The following DMRTA2 variants were observed in gnomAD, a reference collection of about 807,000 sequenced individuals.
DMRTA2 encodes doublesex- and mab-3-related transcription factor A2.
DMRTA2 carries 10 observed loss-of-function variants against 29.7 expected under a neutral mutation model. The ratio of observed to expected loss-of-function variants is 0.34; its 90% CI spans 0.21 to 0.57. DMRTA2 has a LOEUF of 0.57. DMRTA2 is among the 20% of genes least tolerant of loss of function. The pLI is 0.87. For synonymous variants in DMRTA2, 469 were observed against 402.6 expected, an observed-to-expected ratio of 1.16 and a Z score of -1.97; for missense variants, 783 against 812.1, an observed-to-expected ratio of 0.96 and a Z score of 0.44.
rs1646023013 is a variant in DMRTA2, at chr1:50,419,768, T to C, written c.560-34A>G. ...GGAGAAAACGTGTCGTGAGGAGCGGTTAGCTAGAAGACAGCAGTCACAGCA... is the reference window on the plus strand; with the variant it reads ...GGAGAAAACGTGTCGTGAGGAGCGGCTAGCTAGAAGACAGCAGTCACAGCA... On this transcript the variant is annotated intron_variant, in intron 2 of 2. Transcript: ENST00000404795. This position sits in a 1 kb window ranked among gnomAD's most constrained non-coding sequence, Gnocchi z 6.1. The C allele has an allele frequency of 6.9e-7, 1 of 1,442,848 alleles. No homozygotes were observed. Among genetic ancestry groups the C allele is most frequent in the African/African-American group, 1.5e-5 (1 of 67,098 alleles). The allele number at this position is 1,442,848 out of a possible 1,614,324, so 89.4% of individuals were successfully genotyped here. A position where few individuals can be genotyped will look rare whatever the true frequency, so the allele number is the denominator to read the frequency against.
chr1:50,421,401 C>T lies in DMRTA2; in HGVS notation c.136G>A (p.Val46Met). The T allele has an allele frequency of 2.0e-6, 3 of 1,483,114 alleles. No individual in the cohort carries two copies. The highest frequency in any genetic ancestry group is 1.8e-6 in the Non-Finnish European group (2 of 1,118,992). The allele number at this position is 1,483,114 out of a possible 1,614,324, so 91.9% of individuals were successfully genotyped here. A position where few individuals can be genotyped will look rare whatever the true frequency, so the allele number is the denominator to read the frequency against. ...GGCCCCCGCAGCAAGCCGCCTGCCA[C>T]GCTCACCGGTAGCGATGCAGCGGCC... The part of the protein sequence containing the change: ...AAAAASLPVS[V>M]AGGLLRGPPL... The change falls in exon 2 of 3, where the codon GTG (valine) becomes ATG (methionine). Residue 46 changes from valine to methionine, a missense_variant. Around this residue, in one of 3 missense-constraint regions of DMRTA2, gnomAD observed 76 missense variants for 152.6 expected, o/e 0.50. Coordinates refer to ENST00000404795, the MANE Select transcript of DMRTA2 (RefSeq NM_032110.3). This position sits in a 1 kb window ranked among gnomAD's most constrained non-coding sequence, Gnocchi z 8.7.
rs1646031711 is a variant in DMRTA2 at position 50,420,841 on chromosome 1, G to A, written c.559+137C>T. 1.5e-6 allele frequency: 2 copies of A among 1,303,024 alleles called. No individual in the cohort carries two copies. The highest frequency in any genetic ancestry group is 2.0e-6 in the Non-Finnish European group (2 of 1,010,058). 80.7% of individuals were successfully genotyped at this position (1,303,024 alleles called of 1,614,324 possible). A position where few individuals can be genotyped will look rare whatever the true frequency, so the allele number is the denominator to read the frequency against. On this transcript the variant is annotated intron_variant, in intron 2 of 2. Coordinates refer to ENST00000404795, the MANE Select transcript of DMRTA2 (RefSeq NM_032110.3). This position sits in a 1 kb window ranked among gnomAD's most constrained non-coding sequence, Gnocchi z 4.1. ...TACCCACGCTCCATACCCGAGGCTG[G>A]GCGAGCGGTGAACCCTAGCAGTCGC... is the stretch of plus-strand genomic sequence containing the variant.
At position 50,419,632 on chromosome 1, in the gene DMRTA2, C is replaced by T. The variant is rs1473320982; in HGVS notation, c.662G>A (p.Gly221Asp). 6 of 1,524,294 alleles carry T rather than the reference C, an allele frequency of 3.9e-6. No individual in the cohort carries two copies. Among genetic ancestry groups the T allele is most frequent in the South Asian group, 2.6e-5 (2 of 78,362 alleles). 94.4% of individuals were successfully genotyped at this position (1,524,294 alleles called of 1,614,324 possible). The change falls in exon 3 of 3, where the codon GGC (glycine) becomes GAC (aspartate). Residue 221 changes from glycine (G) to aspartate (D), a missense_variant. By Grantham distance (94) the Gly-to-Asp change is moderately conservative. This residue lies in a region of DMRTA2 where 667 missense variants were observed against 624.8 expected (regional missense o/e 1.07). Coordinates refer to ENST00000404795, the MANE Select transcript of DMRTA2 (RefSeq NM_032110.3). This position sits in a 1 kb window ranked among gnomAD's most constrained non-coding sequence, Gnocchi z 6.1. Reference sequence around the variant, plus strand: ...CGACGTCCCGGGCCCCGAGTCTGCGCCGTCGGGTGATAAGGGCTTCACCGG... The same window carrying T: ...CGACGTCCCGGGCCCCGAGTCTGCGTCGTCGGGTGATAAGGGCTTCACCGG... ...PPPVKPLSPDGADSGPGTSSP... is the reference protein window; with the variant it reads ...PPPVKPLSPDDADSGPGTSSP...
At position 50,422,081 on chromosome 1, in the gene DMRTA2, C is replaced by A. The variant is rs1476304423; in HGVS notation, c.-8-537G>T. ...AGATGTGAAGGCGCAGATGTGAAGG[C>A]CGGTTGGGCCGGAGTTTTGTTTCTT... On this transcript the variant is annotated intron_variant, in intron 1 of 2. Transcript: ENST00000404795. This position sits in a 1 kb window ranked among gnomAD's most constrained non-coding sequence, Gnocchi z 5.7. Among the ~76,000 whole-genome samples the A allele has an allele frequency of 6.6e-6, 1 of 152,172 alleles. No individual in the cohort carries two copies. The highest frequency in any genetic ancestry group is 1.5e-5 in the Non-Finnish European group (1 of 68,036).
At position 50,420,516 on chromosome 1, in the gene DMRTA2, G is replaced by C. The variant is rs879684596; in HGVS notation, c.559+462C>G. Among the ~76,000 whole-genome samples the C allele has an allele frequency of 1.3e-5, 2 of 152,120 alleles. No individual in the cohort carries two copies. Among genetic ancestry groups the C allele is most frequent in the Non-Finnish European group, 2.9e-5 (2 of 68,032 alleles). ...AGAGGGCGTTAGGAACGCGAGAAGG[G>C]GAAAAGAAACTAGGGCGTCTCAGAA... On this transcript the variant is annotated intron_variant, in intron 2 of 2. Coordinates refer to ENST00000404795, the MANE Select transcript of DMRTA2 (RefSeq NM_032110.3). This position sits in a 1 kb window ranked among gnomAD's most constrained non-coding sequence, Gnocchi z 4.1.
Position 50,420,217 on chromosome 1 carries a change from C to T in DMRTA2, c.560-483G>A, listed in dbSNP as rs1262769936. ...AGGAGGTCCCAAGCTTCTCTACAGG[C>T]AGAAGTACAGCCCCTGTTTCTAATC... On this transcript the variant is annotated intron_variant, in intron 2 of 2. Transcript: ENST00000404795. This position sits in a 1 kb window ranked among gnomAD's most constrained non-coding sequence, Gnocchi z 4.1. 6.6e-6 allele frequency among the ~76,000 whole-genome samples: 1 copy of T among 152,206 alleles called. No individual in the cohort carries two copies. The highest frequency in any genetic ancestry group is 1.5e-5 in the Non-Finnish European group (1 of 68,030).
rs1646031572 is a variant in DMRTA2 at position 50,420,824 on chromosome 1, C to T, written c.559+154G>A. Among the ~76,000 whole-genome samples the T allele has an allele frequency of 6.6e-6, 1 of 152,260 alleles. No individual in the cohort carries two copies. The highest frequency in any genetic ancestry group is 6.5e-5 in the Admixed American group (1 of 15,288). The stretch of plus-strand genomic sequence containing the variant: ...AGAAAGGAGAGTTTCTGTACCCACG[C>T]TCCATACCCGAGGCTGGGCGAGCGG... On this transcript the variant is annotated intron_variant, in intron 2 of 2. Transcript: ENST00000404795. This position sits in a 1 kb window ranked among gnomAD's most constrained non-coding sequence, Gnocchi z 4.1.
rs1557939134 is a variant in DMRTA2, at chr1:50,418,491, C to T, written c.*174G>A. ...CCTGCACCTGTCTGTAGCTGCTCCC[C>T]CTTTGCTCAGCCTTCCCCACCCACC... is the stretch of plus-strand genomic sequence containing the variant. On this transcript the variant is annotated 3_prime_UTR_variant, in exon 3 of 3. Coordinates refer to ENST00000404795, the MANE Select transcript of DMRTA2 (RefSeq NM_032110.3). 2 of 462,292 alleles carry T rather than the reference C, an allele frequency of 4.3e-6. No individual in the cohort carries two copies. The highest frequency in any genetic ancestry group is 2.0e-5 in the African/African-American group (1 of 49,666). The allele number at this position is 462,292 out of a possible 1,614,324, so 28.6% of individuals were successfully genotyped here.
Position 50,419,570 on chromosome 1 carries a change from C to G in DMRTA2, c.724G>C (p.Gly242Arg), listed in dbSNP as rs756679408. Reference protein sequence around the residue: ...EVRPGSGSENGDGESFSGSPL... With the variant: ...EVRPGSGSENRDGESFSGSPL... ...GAACCAGAAAAGGACTCGCCATCGC[C>G]GTTCTCCGAGCCTGAGCCGGGCCGC... The change falls in exon 3 of 3, where the codon GGC (glycine) becomes CGC (arginine). Residue 242 changes from glycine to arginine, a missense_variant. By Grantham distance (125) the Gly-to-Arg change is moderately radical. Coordinates refer to ENST00000404795, the MANE Select transcript of DMRTA2 (RefSeq NM_032110.3). This position sits in a 1 kb window ranked among gnomAD's most constrained non-coding sequence, Gnocchi z 6.1. The G allele has an allele frequency of 3.9e-6, 6 of 1,557,980 alleles. No individual in the cohort carries two copies. The highest frequency in any genetic ancestry group is 4.3e-6 in the Non-Finnish European group (5 of 1,154,282).
In DMRTA2 at chr1:50,418,396, C is replaced by T. The variant is rs1246377396; in HGVS notation, c.*269G>A. ...ATTCCCAGCCTTTTGGAAAGGGGGC[C>T]GGGTGAGGCTGGAAGAGGGATCCGG... On this transcript the variant is annotated 3_prime_UTR_variant, in exon 3 of 3. Coordinates refer to ENST00000404795, the MANE Select transcript of DMRTA2 (RefSeq NM_032110.3). 5.9e-6 allele frequency: 2 copies of T among 339,846 alleles called. No individual in the cohort carries two copies. Among genetic ancestry groups the T allele is most frequent in the Admixed American group, 4.8e-5 (1 of 20,866 alleles). 21.1% of individuals were successfully genotyped at this position (339,846 alleles called of 1,614,324 possible).
rs1410637326 is a variant in DMRTA2 at position 50,420,756 on chromosome 1, G to A, written c.559+222C>T. On this transcript the variant is annotated intron_variant, in intron 2 of 2. Coordinates refer to ENST00000404795, the MANE Select transcript of DMRTA2 (RefSeq NM_032110.3). This position sits in a 1 kb window ranked among gnomAD's most constrained non-coding sequence, Gnocchi z 4.1. ...AATTAAAGCGTGTACATTTCGGCCC[G>A]ATGCAGGAGAAAGGGGTAAAGTGCA... Among the ~76,000 whole-genome samples, 1 of 152,192 alleles carries A rather than the reference G, an allele frequency of 6.6e-6. No homozygotes were observed. The highest frequency in any genetic ancestry group is 1.5e-5 in the Non-Finnish European group (1 of 68,026).
At position 50,419,727 on chromosome 1, in the gene DMRTA2, C is replaced by T. The variant is rs1572734431; in HGVS notation, c.567G>A (p.Lys189=). Reference sequence around the variant, plus strand: ...TAGGAAACAGGTCAAACTTCTGCAACTTGGCCTCTGGGAGGGGAGAAAACG... The same window carrying T: ...TAGGAAACAGGTCAAACTTCTGCAATTTGGCCTCTGGGAGGGGAGAAAACG... The part of the protein sequence containing the change: ...GAAGAGGSEA[K]LQKFDLFPKT... The change falls in exon 3 of 3, where the codon AAG becomes AAA. Residue 189 remains lysine, a synonymous_variant. Coordinates refer to ENST00000404795, the MANE Select transcript of DMRTA2 (RefSeq NM_032110.3). The surrounding 1 kb of genome is among the most constrained non-coding windows in gnomAD (Gnocchi z 6.1). 2.0e-6 allele frequency: 3 copies of T among 1,472,218 alleles called. No homozygotes were observed. The highest frequency in any genetic ancestry group is 2.7e-6 in the Non-Finnish European group (3 of 1,114,894). 91.2% of individuals were successfully genotyped at this position (1,472,218 alleles called of 1,614,324 possible).
In DMRTA2 at chr1:50,420,835, A is replaced by G. The variant is rs1304295337; in HGVS notation, c.559+143T>C. Reference sequence around the variant, plus strand: ...TTTCTGTACCCACGCTCCATACCCGAGGCTGGGCGAGCGGTGAACCCTAGC... The same window carrying G: ...TTTCTGTACCCACGCTCCATACCCGGGGCTGGGCGAGCGGTGAACCCTAGC... On this transcript the variant is annotated intron_variant, in intron 2 of 2. Coordinates refer to ENST00000404795, the MANE Select transcript of DMRTA2 (RefSeq NM_032110.3). This position sits in a 1 kb window ranked among gnomAD's most constrained non-coding sequence, Gnocchi z 4.1. 3 of 1,279,480 alleles carry G rather than the reference A, an allele frequency of 2.3e-6. No individual in the cohort carries two copies. The highest frequency in any genetic ancestry group is 3.0e-6 in the Non-Finnish European group (3 of 988,874). 79.3% of individuals were successfully genotyped at this position (1,279,480 alleles called of 1,614,324 possible). A position where few individuals can be genotyped will look rare whatever the true frequency, so the allele number is the denominator to read the frequency against.
chr1:50,417,807 A>C lies in DMRTA2; in HGVS notation c.*858T>G, dbSNP rs918480506. 2 of 152,252 alleles carry C rather than the reference A, an allele frequency of 1.3e-5. No individual in the cohort carries two copies. The highest frequency in any genetic ancestry group is 2.4e-5 in the African/African-American group (1 of 41,466). The allele number at this position is 152,252 out of a possible 1,614,324, so 9.4% of individuals were successfully genotyped here. A position where few individuals can be genotyped will look rare whatever the true frequency, so the allele number is the denominator to read the frequency against. The stretch of plus-strand genomic sequence containing the variant: ...CAAGAGGGGCAGGTGGGCAGGATTC[A>C]TCCCGAGTTTCCAATATATTTAATC... On this transcript the variant is annotated 3_prime_UTR_variant, in exon 3 of 3. Transcript: ENST00000404795.
In DMRTA2 at chr1:50,418,459, G is replaced by A. The variant is rs1646004504; in HGVS notation, c.*206C>T. On this transcript the variant is annotated 3_prime_UTR_variant, in exon 3 of 3. Coordinates refer to ENST00000404795, the MANE Select transcript of DMRTA2 (RefSeq NM_032110.3). Reference sequence around the variant, plus strand: ...AGGACCCAGGCCGCGCACCCCCTCCGAGAACACCTGCACCTGTCTGTAGCT... The same window carrying A: ...AGGACCCAGGCCGCGCACCCCCTCCAAGAACACCTGCACCTGTCTGTAGCT... 9.8e-6 allele frequency: 4 copies of A among 406,144 alleles called. No homozygotes were observed. Among genetic ancestry groups the A allele is most frequent in the Non-Finnish European group, 1.7e-5 (4 of 235,210 alleles). The allele number at this position is 406,144 out of a possible 1,614,324, so 25.2% of individuals were successfully genotyped here.
At position 50,421,695 on chromosome 1, in the gene DMRTA2, G is replaced by A. The variant is rs1472162536; in HGVS notation, c.-8-151C>T. The A allele has an allele frequency of 2.1e-6, 2 of 936,002 alleles. No homozygotes were observed. The highest frequency in any genetic ancestry group is 2.7e-6 in the Non-Finnish European group (2 of 728,110). 58.0% of individuals were successfully genotyped at this position (936,002 alleles called of 1,614,324 possible). A position where few individuals can be genotyped will look rare whatever the true frequency, so the allele number is the denominator to read the frequency against. On this transcript the variant is annotated intron_variant, in intron 1 of 2. Coordinates refer to ENST00000404795, the MANE Select transcript of DMRTA2 (RefSeq NM_032110.3). This position sits in a 1 kb window ranked among gnomAD's most constrained non-coding sequence, Gnocchi z 8.7. ...GGGGCCAGAATTGCTGGGAGGAGGT[G>A]CAGTCGGAACCTCCTTGTGAGCCCT... is the stretch of plus-strand genomic sequence containing the variant.
chr1:50,420,308 C>G lies in DMRTA2; in HGVS notation c.560-574G>C, dbSNP rs1646026221. Among the ~76,000 whole-genome samples the G allele has an allele frequency of 6.6e-6, 1 of 152,158 alleles. No homozygotes were observed. Among genetic ancestry groups the G allele is most frequent in the African/African-American group, 2.4e-5 (1 of 41,438 alleles). Reference sequence around the variant, plus strand: ...CAAGTTTAGAGCGGATCCCTCCTTTCCCTCAACGGCTCTGGCCTAATTTCT... The same window carrying G: ...CAAGTTTAGAGCGGATCCCTCCTTTGCCTCAACGGCTCTGGCCTAATTTCT... On this transcript the variant is annotated intron_variant, in intron 2 of 2. Transcript: ENST00000404795. This position sits in a 1 kb window ranked among gnomAD's most constrained non-coding sequence, Gnocchi z 4.1.
At position 50,419,481 on chromosome 1, in the gene DMRTA2, G is replaced by C; in HGVS notation, c.813C>G (p.Gly271=). 1 of 1,593,730 alleles carries C rather than the reference G, an allele frequency of 6.3e-7. No individual in the cohort carries two copies. The highest frequency in any genetic ancestry group is 8.5e-7 in the Non-Finnish European group (1 of 1,174,920). Residue 271 remains glycine, a synonymous_variant, in exon 3 of 3, where the codon GGC becomes GGG. Transcript: ENST00000404795. The surrounding 1 kb of genome is among the most constrained non-coding windows in gnomAD (Gnocchi z 6.1). Reference sequence around the variant, plus strand: ...AGCCCGGGCTGTCCTCCTCGCCGCCGCCGCCAGGGCCAGCGCTGCCTGGGC... The same window carrying C: ...AGCCCGGGCTGTCCTCCTCGCCGCCCCCGCCAGGGCCAGCGCTGCCTGGGC... ...GSCPGSAGPG[G]GGEEDSPGSA... is the part of the protein sequence containing the mutation.
Position 50,420,372 on chromosome 1 carries a change from G to T in DMRTA2, c.559+606C>A, listed in dbSNP as rs1015548564. On this transcript the variant is annotated intron_variant, in intron 2 of 2. Coordinates refer to ENST00000404795, the MANE Select transcript of DMRTA2 (RefSeq NM_032110.3). This position sits in a 1 kb window ranked among gnomAD's most constrained non-coding sequence, Gnocchi z 4.1. ...AAAGCCACGGGGGTCCAGAAAAAGA[G>T]GGTGGTGCTAGGCAGGCAGTAGGAA... 6.6e-6 allele frequency among the ~76,000 whole-genome samples: 1 copy of T among 152,158 alleles called. No individual in the cohort carries two copies. Among genetic ancestry groups the T allele is most frequent in the Non-Finnish European group, 1.5e-5 (1 of 68,034 alleles).
Sources: allele counts gnomAD v4.1 joint callset (sites outside exome capture counted in the v4.1 genomes callset), GRCh38; gene constraint gnomAD v4.1.1; regional missense constraint gnomAD v4.1.1; non-coding constraint Gnocchi (gnomAD v3.1); transcripts MANE v1.5; gene names NCBI Gene and HGNC (gene_info 2026-07-23, HGNC 2026-07-21).